The following COL6A5 variants were observed in gnomAD, a reference collection of about 807,000 sequenced individuals.
COL6A5 encodes the protein collagen alpha-5(VI) chain.
Under a neutral mutation model 65.6 loss-of-function variants are expected in COL6A5, and 48 were observed. The ratio of observed to expected loss-of-function variants is 0.73; its 90% CI spans 0.58 to 0.93. COL6A5 has a LOEUF of 0.93. COL6A5 is among the 40% of genes least tolerant of loss of function. The pLI is 0.00. For synonymous variants in COL6A5, 291 were observed against 322.8 expected, an observed-to-expected ratio of 0.90 and a Z score of 1.05; for missense variants, 914 against 928.3, an observed-to-expected ratio of 0.98 and a Z score of 0.20.
intron 5 of COL6A5, among the ~76,000 whole-genome samples, chr3:130,457,384 G>A (rs1424650492): frequency 1.3e-5 from 2 of 151,924 alleles, no homozygotes; most frequent in African/African-American, 2.4e-5. Flanking sequence ...AGCAAAGAAG[G>A]CCATCTTTGC....
chr3:130,440,909 T>C, intron 3 of COL6A5, 84 bp downstream of exon 35: 1 of 983,896 alleles, frequency 1.0e-6, no homozygotes. Context: ...TTTGTATCTA[T>C]AGCTAATCTA....
At chr3:130,389,772 C>A (rs561767620) in intron 6 of COL6A5, among the ~76,000 whole-genome samples, 1 of 151,964 alleles carries the variant, frequency 6.6e-6, no homozygotes, top group Admixed American at 6.6e-5. Context: ...TATTGTGCAA[C>A]CTTCAGTTTG....
chr3:130,364,305 C>T (rs1241239103), intron 1 of COL6A5, among the ~76,000 whole-genome samples: 1 of 152,184 alleles, frequency 6.6e-6, no homozygotes, highest in African/African-American at 2.4e-5. Flanking sequence ...TCATACTCTG[C>T]ATATCCATTT....
intron 5 of COL6A5, among the ~76,000 whole-genome samples, chr3:130,461,168 C>T (rs1380624011): frequency 6.6e-6 from 1 of 151,992 alleles, no homozygotes; most frequent in Non-Finnish European, 1.5e-5. Flanking sequence ...GCTCTGTCTT[C>T]AAGAAGCTTT....
intron 13 of COL6A5, among the ~76,000 whole-genome samples, chr3:130,404,018 C>T (rs932892571): frequency 5.9e-5 from 9 of 152,096 alleles, no homozygotes; most frequent in African/African-American, 2.2e-4. Context: ...CCTCTCTACC[C>T]CCAAGCAGGG....
At chr3:130,415,660 C>A (rs1937315787) in exon 23 of COL6A5, 1 of 1,548,378 alleles carries the variant, frequency 6.5e-7, no homozygotes, top group African/African-American at 1.4e-5. Context: ...ACAGGGAAAT[C>A]CTGGCAGAAA....
chr3:130,383,341 G>C (rs1020484594), intron 4 of COL6A5, among the ~76,000 whole-genome samples: 1 of 152,040 alleles, frequency 6.6e-6, no homozygotes, highest in Non-Finnish European at 1.5e-5. Flanking sequence ...AGTGGCTCGT[G>C]TATTGGATAG....
intron 6 of COL6A5, among the ~76,000 whole-genome samples, chr3:130,389,523 G>A (rs1011544286): frequency 1.1e-4 from 16 of 150,428 alleles, no homozygotes; most frequent in Admixed American, 2.7e-4. Context: ...ATACAAATTC[G>A]TCTTTCTTTT....
At chr3:130,451,520 G>T (rs1709436579) in intron 4 of COL6A5, among the ~76,000 whole-genome samples, 1 of 151,794 alleles carries the variant, frequency 6.6e-6, no homozygotes, top group Non-Finnish European at 1.5e-5. Context: ...GAAGTGGATG[G>T]GGGAGGGCCT....
chr3:130,406,150 G>A, exon 16 of COL6A5: 1 of 1,550,352 alleles, frequency 6.5e-7, no homozygotes, highest in Non-Finnish European at 8.7e-7. Flanking sequence ...GGAGACGATG[G>A]GATTGATGGA....
intron 29 of COL6A5, among the ~76,000 whole-genome samples, chr3:130,424,189 A>G (rs552219540): frequency 5.3e-5 from 8 of 152,258 alleles, no homozygotes; most frequent in Admixed American, 3.9e-4. Context: ...AATAATTAAT[A>G]GTAAATAAAA....
chr3:130,439,386 C>T, intron 1 of COL6A5, 136 bp from the exon 34 acceptor site: 1 of 565,250 alleles, frequency 1.8e-6, no homozygotes, highest in South Asian at 2.0e-5. Flanking sequence ...TGTGAACATG[C>T]ACTGAATGGA....
chr3:130,435,923 A>C (rs1709018273), intron 1 of COL6A5, among the ~76,000 whole-genome samples: 1 of 152,042 alleles, frequency 6.6e-6, no homozygotes, highest in Non-Finnish European at 1.5e-5. Flanking sequence ...AATATCCTTT[A>C]TTTCTTTCTC....
chr3:130,484,053 C>T (rs1476371588), exon 8 of COL6A5: 10 of 1,607,816 alleles, frequency 6.2e-6, no homozygotes, highest in Admixed American at 3.4e-5. Context: ...GATACAAGGT[C>T]ATCATAGGAG....
At chr3:130,385,504 T>C (rs1256480255) in intron 5 of COL6A5, 140 bp downstream of exon 5, 1 of 889,594 alleles carries the variant, frequency 1.1e-6, no homozygotes, top group African/African-American at 1.7e-5. Context: ...CATGGAGGGA[T>C]TCAGCCCCTC....
exon 6 of COL6A5, chr3:130,469,282 A>T (rs1192709204): frequency 6.2e-7 from 1 of 1,613,030 alleles, no homozygotes; most frequent in Admixed American, 1.7e-5. Context: ...AAGACGTCTT[A>T]AGGAATGTGT....
chr3:130,361,934 T>A (rs984761709), intron 1 of COL6A5, among the ~76,000 whole-genome samples: 8 of 152,110 alleles, frequency 5.3e-5, no homozygotes, highest in Non-Finnish European at 8.8e-5. Context: ...CAGAGTTCTT[T>A]GTATATTTTG....
intron 23 of COL6A5, 35 bp from the exon 24 acceptor site, chr3:130,416,722 G>A (rs1466892619): frequency 6.5e-6 from 8 of 1,229,252 alleles, no homozygotes; most frequent in East Asian, 5.2e-5. Context: ...GAATTACTAC[G>A]GTGCCAACAT....
intron 7 of COL6A5, among the ~76,000 whole-genome samples, chr3:130,483,480 G>A (rs1710301611): frequency 1.3e-5 from 2 of 152,154 alleles, no homozygotes; most frequent in South Asian, 4.1e-4. Context: ...CTAGGTTATT[G>A]ATTGGTCAAG....
Sources: allele counts gnomAD v4.1 joint callset (sites outside exome capture counted in the v4.1 genomes callset), GRCh38; gene constraint gnomAD v4.1.1; transcripts MANE v1.5; gene names NCBI Gene and HGNC (gene_info 2026-07-23, HGNC 2026-07-21).